The following SCARA5 variants were observed in gnomAD, a reference collection of about 807,000 sequenced individuals.
SCARA5 encodes the protein scavenger receptor class A member 5, also known as scavenger receptor class A, member 5 (putative).
SCARA5 carries 45 observed loss-of-function variants against 46.3 expected under a neutral mutation model. That is an observed-to-expected ratio of 0.97 (90% CI 0.76 to 1.24). SCARA5 has a LOEUF of 1.24. SCARA5 is among the 50% of genes most tolerant of loss of function. The pLI is 0.00. For missense variants in SCARA5, 680 were observed against 689.0 expected (o/e 0.99, Z 0.15); for synonymous variants, 333 against 306.5 (o/e 1.09, Z -0.90).
chr8:27,947,209 G>A (rs1017104107), intron 3 of SCARA5, among the ~76,000 whole-genome samples: 5 of 151,990 alleles, frequency 3.3e-5, no homozygotes, highest in Admixed American at 6.6e-5. Flanking sequence ...ACAGGGTTTC[G>A]CCGTGTTGGC....
chr8:27,974,665 T>C (rs796757258), intron 2 of SCARA5, among the ~76,000 whole-genome samples: 4 of 150,494 alleles, frequency 2.7e-5, no homozygotes, highest in African/African-American at 9.8e-5. Context: ...TACTCATCAC[T>C]CACATTGTTC....
rs749653729 is a variant in SCARA5, at chr8:27,879,714, G to C, written c.1206C>G (p.His402Gln). 1.9e-6 allele frequency: 3 copies of C among 1,612,986 alleles called. No homozygotes were observed. The highest frequency in any genetic ancestry group is 1.6e-4 in the Middle Eastern group (1 of 6,062). ...CGTGGTACACTTCCACGCGGCCCTC[G>C]TGCGGACCTGAGCCATTCACCAGGC... ...MIRLVNGSGP[H>Q]EGRVEVYHDR... Residue 402 changes from histidine to glutamine, a missense_variant, in exon 8 of 9, where the codon CAC becomes CAG. Transcript: ENST00000354914.
chr8:27,918,807 A>G (rs1337003513), intron 4 of SCARA5, among the ~76,000 whole-genome samples: 1 of 146,794 alleles, frequency 6.8e-6, no homozygotes, highest in Admixed American at 6.7e-5. Context: ...GAGGAGGAGG[A>G]GGGGAAGGAA....
In SCARA5 at chr8:27,897,280, G is replaced by A. The variant is rs146496141; in HGVS notation, c.1153+7498C>T. Among the ~76,000 whole-genome samples the A allele has an allele frequency of 3.6e-4, 55 of 152,276 alleles. No homozygotes were observed. In the East Asian group the frequency reaches 0.01, roughly 28 times the overall value. ...CATCAAAGGCTCCCGGGGACCTCCC[G>A]GACTCAATCCGCAGAGCCCACAGCT... On this transcript the variant is annotated intron_variant, in intron 7 of 8. Coordinates refer to ENST00000354914, the MANE Select transcript of SCARA5 (RefSeq NM_173833.6).
chr8:27,961,888 A>G (rs570692894), intron 3 of SCARA5, among the ~76,000 whole-genome samples: 27 of 152,288 alleles, frequency 1.8e-4, no homozygotes, highest in African/African-American at 6.0e-4. Flanking sequence ...TTTTTCTACA[A>G]ATATTTTCTA....
chr8:27,892,037 T>C (rs192640410), intron 7 of SCARA5, among the ~76,000 whole-genome samples: 50 of 152,354 alleles, frequency 3.3e-4, no homozygotes, highest in Middle Eastern at 6.8e-3. Flanking sequence ...CCGTGAATCA[T>C]TGGCCTGACT....
intron 3 of SCARA5, among the ~76,000 whole-genome samples, chr8:27,933,151 G>A (rs898789016): frequency 2.0e-5 from 3 of 152,196 alleles, no homozygotes; most frequent in African/African-American, 7.2e-5. Flanking sequence ...GCCCTCTTGG[G>A]CTGCAGGCGT....
intron 3 of SCARA5, among the ~76,000 whole-genome samples, chr8:27,934,447 G>A (rs1339421077): frequency 6.6e-6 from 1 of 152,190 alleles, no homozygotes; most frequent in Non-Finnish European, 1.5e-5. Context: ...CTGATAAGCT[G>A]TGGTGTCTCT....
At chr8:27,931,773 G>A (rs1163211808) in intron 3 of SCARA5, among the ~76,000 whole-genome samples, 1 of 151,590 alleles carries the variant, frequency 6.6e-6, no homozygotes, top group African/African-American at 2.4e-5. Context: ...CAATTCTACT[G>A]CCTCCAGAGT....
Position 27,904,719 on chromosome 8 carries a change from G to A in SCARA5, c.1153+59C>T, listed in dbSNP as rs530408612. ...AACCTCCAAACTTATGGGGCTGCTT[G>A]GGGGACAGCTAGCCCTGTGCCAACA... On this transcript the variant is annotated intron_variant, in intron 7 of 8. Transcript: ENST00000354914. 192 of 1,473,346 alleles carry A rather than the reference G, an allele frequency of 1.3e-4. 1 individual carries two copies. In the South Asian group the frequency reaches 2.0e-3, roughly 15 times the overall value. 91.3% of individuals were successfully genotyped at this position (1,473,346 alleles called of 1,614,324 possible).
intron 1 of SCARA5, among the ~76,000 whole-genome samples, chr8:27,991,860 T>TGCACACACACAC (rs1186261437): frequency 6.6e-6 from 1 of 150,710 alleles, no homozygotes; most frequent in African/African-American, 2.5e-5. Flanking sequence ...CACACACACA[T>TGCACACACACAC]GCACACACAC....
chr8:27,988,746 G>T (rs746673063), intron 1 of SCARA5, among the ~76,000 whole-genome samples: 2 of 152,092 alleles, frequency 1.3e-5, no homozygotes, highest in Admixed American at 6.5e-5. Flanking sequence ...TTTCATCAAG[G>T]TTCCAGCCAT....
intron 5 of SCARA5, among the ~76,000 whole-genome samples, chr8:27,909,430 C>A (rs2685356): frequency 0.55 from 84,325 of 151,948 alleles, 24,109 homozygotes; most frequent in Non-Finnish European, 0.63. Flanking sequence ...CAGGGAGCTG[C>A]AGGCCTGTCC....
chr8:27,970,689 C>T (rs573081300), intron 2 of SCARA5, among the ~76,000 whole-genome samples: 6 of 152,256 alleles, frequency 3.9e-5, no homozygotes, highest in Non-Finnish European at 7.4e-5. Context: ...CTAACACCAC[C>T]GGCTCACCCT....
chr8:27,950,376 G>A lies in SCARA5; in HGVS notation c.241+16038C>T, dbSNP rs141115506. Among the ~76,000 whole-genome samples, 112 of 151,462 alleles carry A rather than the reference G, an allele frequency of 7.4e-4. 1 individual carries two copies. The highest frequency in any genetic ancestry group is 3.7e-3 in the Admixed American group (56 of 15,174). On this transcript the variant is annotated intron_variant, in intron 3 of 8. Transcript: ENST00000354914. ...CACACACACCCCCAATCCCATCCTCGAGCAGACCCTTTCCACACAGGCCTC... is the reference window on the plus strand; with the variant it reads ...CACACACACCCCCAATCCCATCCTCAAGCAGACCCTTTCCACACAGGCCTC...
chr8:27,871,496 C>T lies in SCARA5; in HGVS notation c.*438G>A. The T allele has an allele frequency of 3.0e-6, 3 of 996,590 alleles. No homozygotes were observed. Among genetic ancestry groups the T allele is most frequent in the Non-Finnish European group, 3.6e-6 (3 of 836,468 alleles). The allele number at this position is 996,590 out of a possible 1,614,324, so 61.7% of individuals were successfully genotyped here. A position where few individuals can be genotyped will look rare whatever the true frequency, so the allele number is the denominator to read the frequency against. On this transcript the variant is annotated 3_prime_UTR_variant, in exon 9 of 9. Coordinates refer to ENST00000354914, the MANE Select transcript of SCARA5 (RefSeq NM_173833.6). ...TGCTGGGGAGGAAGATGTAGAAACT[C>T]TTGGACTAATGGAGGTTTGGGAATT... is the stretch of plus-strand genomic sequence containing the variant.
At chr8:27,926,007 T>C (rs1031006894) in intron 3 of SCARA5, among the ~76,000 whole-genome samples, 1 of 152,194 alleles carries the variant, frequency 6.6e-6, no homozygotes, top group Non-Finnish European at 1.5e-5. Flanking sequence ...GGTGGGAGTG[T>C]AAATTAGTTC....
chr8:27,960,624 G>A (rs1415461938), intron 3 of SCARA5, among the ~76,000 whole-genome samples: 4 of 152,156 alleles, frequency 2.6e-5, no homozygotes, highest in Non-Finnish European at 5.9e-5. Flanking sequence ...TAAATTATTT[G>A]CCTCAAAATG....
At chr8:27,951,642 C>G (rs949244416) in intron 3 of SCARA5, among the ~76,000 whole-genome samples, 2 of 152,174 alleles carry the variant, frequency 1.3e-5, no homozygotes, top group Non-Finnish European at 2.9e-5. Context: ...CATGGCCACA[C>G]GGTAAGGCAG....
Sources: allele counts gnomAD v4.1 joint callset (sites outside exome capture counted in the v4.1 genomes callset), GRCh38; gene constraint gnomAD v4.1.1; transcripts MANE v1.5; gene names NCBI Gene and HGNC (gene_info 2026-07-23, HGNC 2026-07-21).